ZCCHC24: variants seen among roughly 807,000 people sequenced by gnomAD.
ZCCHC24 encodes zinc finger CCHC-type containing 24.
In ZCCHC24, 10 loss-of-function variants were observed where a neutral mutation model predicts 26.2. The observed-to-expected ratio is 0.38, with a 90% CI of 0.24 to 0.65. The LOEUF (loss-of-function observed/expected upper bound fraction) is 0.65, where lower values mean the gene tolerates loss of function less well. Ranked by LOEUF, ZCCHC24 falls within the 30% of genes least tolerant of loss-of-function variation. The pLI, the probability that ZCCHC24 is intolerant of heterozygous loss-of-function variation, is 0.54. For missense variants in ZCCHC24, 243 were observed against 329.1 expected, an observed-to-expected ratio of 0.74 and a Z score of 2.03; for synonymous variants, 144 against 147.1, an observed-to-expected ratio of 0.98 and a Z score of 0.15.
At chr10:79,407,222 C>A (rs1856728968) in intron 2 of ZCCHC24, among the ~76,000 whole-genome samples, 1 of 152,202 alleles carries the variant, frequency 6.6e-6, no homozygotes, top group African/African-American at 2.4e-5. Context: ...CAGCCAGGTG[C>A]AGACCTGCCC....
intron 2 of ZCCHC24, among the ~76,000 whole-genome samples, chr10:79,394,917 C>A (rs1856525365): frequency 6.6e-6 from 1 of 152,198 alleles, no homozygotes; most frequent in Non-Finnish European, 1.5e-5. Flanking sequence ...AGGAGGCAAT[C>A]TAAATTCCCT....
intron 2 of ZCCHC24, among the ~76,000 whole-genome samples, chr10:79,415,315 C>A (rs555292212): frequency 1.3e-5 from 2 of 152,116 alleles, no homozygotes; most frequent in South Asian, 4.1e-4. Context: ...TTAGGTGAGT[C>A]CCTTGGCCCC....
intron 1 of ZCCHC24, among the ~76,000 whole-genome samples, chr10:79,435,472 G>A (rs1393539667): frequency 2.0e-5 from 3 of 152,148 alleles, no homozygotes; most frequent in Non-Finnish European, 4.4e-5. Flanking sequence ...CCCTCTGGAG[G>A]GCCGCAGCCT....
rs1447579629 is a variant in ZCCHC24, at chr10:79,383,812, G to T, written c.*2533C>A. On this transcript the variant is annotated 3_prime_UTR_variant, in exon 4 of 4. Transcript: ENST00000372336. Reference sequence around the variant, plus strand: ...CATATTTTTTTAAAAAAGGAATTCTGTGTCAAGTATAACTCAAAATAAATA... The same window carrying T: ...CATATTTTTTTAAAAAAGGAATTCTTTGTCAAGTATAACTCAAAATAAATA... The T allele has an allele frequency of 2.0e-5, 3 of 152,456 alleles. No individual in the cohort carries two copies. The highest frequency in any genetic ancestry group is 4.1e-4 in the South Asian group (2 of 4,826). 9.4% of individuals were successfully genotyped at this position (152,456 alleles called of 1,614,324 possible).
At chr10:79,431,156 A>G (rs969820558) in intron 2 of ZCCHC24, among the ~76,000 whole-genome samples, 1 of 152,242 alleles carries the variant, frequency 6.6e-6, no homozygotes, top group Admixed American at 6.5e-5. Flanking sequence ...GGCTGTGTGC[A>G]CATGAGCTGG....
intron 2 of ZCCHC24, among the ~76,000 whole-genome samples, chr10:79,427,920 A>G (rs1248562841): frequency 3.9e-5 from 6 of 152,210 alleles, no homozygotes; most frequent in Non-Finnish European, 7.3e-5. Context: ...GAAGGAAGGA[A>G]AAGAAAAGAA....
chr10:79,419,885 T>C (rs1856914588), intron 2 of ZCCHC24, among the ~76,000 whole-genome samples: 1 of 152,062 alleles, frequency 6.6e-6, no homozygotes, highest in South Asian at 2.1e-4. Flanking sequence ...GGTGAGGCCA[T>C]TGACCCATCG....
intron 1 of ZCCHC24, among the ~76,000 whole-genome samples, chr10:79,433,607 G>A (rs941562399): frequency 1.3e-5 from 2 of 152,234 alleles, no homozygotes; most frequent in Admixed American, 1.3e-4. Context: ...CAAGGCCAAG[G>A]CTGAAAGAGG....
intron 1 of ZCCHC24, among the ~76,000 whole-genome samples, chr10:79,434,163 G>A (rs1025936239): frequency 4.6e-5 from 7 of 152,142 alleles, no homozygotes; most frequent in Non-Finnish European, 7.4e-5. Context: ...CCTGGGATGC[G>A]GAAGGAAAGA....
intron 2 of ZCCHC24, among the ~76,000 whole-genome samples, chr10:79,400,694 C>T (rs2132183845): frequency 6.6e-6 from 1 of 152,346 alleles, no homozygotes; most frequent in South Asian, 2.1e-4. Context: ...GACAGAAACC[C>T]CACAGAGATG....
At chr10:79,445,084 G>A in intron 1 of ZCCHC24, 111 bp downstream of exon 1, 1 of 1,104,144 alleles carries the variant, frequency 9.1e-7, no homozygotes, top group Non-Finnish European at 1.2e-6. Flanking sequence ...GCCCGGCAAT[G>A]CGGAGCCGGG....
At chr10:79,411,234 A>T (rs1430185201) in intron 2 of ZCCHC24, among the ~76,000 whole-genome samples, 2 of 152,084 alleles carry the variant, frequency 1.3e-5, no homozygotes, top group South Asian at 4.1e-4. Context: ...TGATTTGAAA[A>T]TCACCTCGGG....
chr10:79,405,571 T>G (rs1174754358), intron 2 of ZCCHC24, among the ~76,000 whole-genome samples: 1 of 152,218 alleles, frequency 6.6e-6, no homozygotes, highest in Non-Finnish European at 1.5e-5. Context: ...AGCAGCGCCA[T>G]TTGCACAGGG....
chr10:79,412,275 A>G (rs978279264), intron 2 of ZCCHC24, among the ~76,000 whole-genome samples: 20 of 152,366 alleles, frequency 1.3e-4, no homozygotes, highest in African/African-American at 4.1e-4. Context: ...CAGAACCCCA[A>G]GGGAGGTAGC....
chr10:79,437,705 G>A (rs1252743410), intron 1 of ZCCHC24, among the ~76,000 whole-genome samples: 4 of 152,220 alleles, frequency 2.6e-5, no homozygotes, highest in East Asian at 1.9e-4. Flanking sequence ...GTGTCTCTGC[G>A]CTGCATGAGG....
chr10:79,407,164 T>C (rs917684815), intron 2 of ZCCHC24, among the ~76,000 whole-genome samples: 2 of 152,220 alleles, frequency 1.3e-5, no homozygotes, highest in Admixed American at 6.5e-5. Flanking sequence ...ATGGCCTCTT[T>C]GCTAGGGTCT....
At position 79,445,376 on chromosome 10, in the gene ZCCHC24, T is replaced by C; in HGVS notation, c.65A>G (p.Asn22Ser). ...ASVYQPAQLL[N>S]WVYLSLQDTH... ...GTCCTGCAGCGACAGGTAGACCCAGTTGAGCAGCTGGGCGGGCTGGTACAC... is the reference window on the plus strand; with the variant it reads ...GTCCTGCAGCGACAGGTAGACCCAGCTGAGCAGCTGGGCGGGCTGGTACAC... The change falls in exon 1 of 4, where the codon AAC becomes AGC. Residue 22 changes from asparagine to serine, a missense_variant. Asn to Ser is a conservative substitution (Grantham distance 46). Coordinates refer to ENST00000372336, the MANE Select transcript of ZCCHC24 (RefSeq NM_153367.4). 6.5e-7 allele frequency: 1 copy of C among 1,531,852 alleles called. No individual in the cohort carries two copies. Among genetic ancestry groups the C allele is most frequent in the Non-Finnish European group, 8.8e-7 (1 of 1,141,428 alleles). 94.9% of individuals were successfully genotyped at this position (1,531,852 alleles called of 1,614,324 possible).
rs1176547691 is a variant in ZCCHC24 at position 79,403,673 on chromosome 10, T to C, written c.448-9233A>G. On this transcript the variant is annotated intron_variant, in intron 2 of 3. Transcript: ENST00000372336. ...CCTCGCCTCCTTGCCCAGGGCCCCC[T>C]CCCCTCTTCTGGGTTCCTGCTGCAG... 3 of 898,964 alleles carry C rather than the reference T, an allele frequency of 3.3e-6. No homozygotes were observed. In the African/African-American group the frequency reaches 5.4e-5, roughly 16 times the overall value. The allele number at this position is 898,964 out of a possible 1,614,324, so 55.7% of individuals were successfully genotyped here. A position where few individuals can be genotyped will look rare whatever the true frequency, so the allele number is the denominator to read the frequency against.
intron 1 of ZCCHC24, among the ~76,000 whole-genome samples, chr10:79,434,679 C>G (rs1347740697): frequency 6.6e-6 from 1 of 152,160 alleles, no homozygotes; most frequent in Non-Finnish European, 1.5e-5. Context: ...TCAGACCTAC[C>G]AAAGCAGCCA....
Sources: allele counts gnomAD v4.1 joint callset (sites outside exome capture counted in the v4.1 genomes callset), GRCh38; gene constraint gnomAD v4.1.1; transcripts MANE v1.5; gene names NCBI Gene and HGNC (gene_info 2026-07-23, HGNC 2026-07-21).